Variants in ANXA3 observed in about 807,000 individuals in gnomAD.
ANXA3 encodes annexin A3.
Under a neutral mutation model 48.8 loss-of-function variants are expected in ANXA3, and 46 were observed. The observed-to-expected ratio is 0.94, with a 90% confidence interval of 0.74 to 1.21. ANXA3 has a LOEUF of 1.21. ANXA3 is among the 50% of genes most tolerant of loss of function. The probability of loss-of-function intolerance (pLI) is 0.00; values close to 1 mark genes in which losing one functional copy is unlikely to be tolerated. For synonymous variants in ANXA3, 128 were observed against 134.7 expected (o/e 0.95, Z 0.35); for missense variants, 383 against 378.6 (o/e 1.01, Z -0.10).
intron 10 of ANXA3, 90 bp from the exon 11 acceptor site, chr4:78,601,420 C>G: frequency 8.0e-7 from 1 of 1,251,236 alleles, no homozygotes; most frequent in Non-Finnish European, 1.2e-6. Context: ...TATGACAGTC[C>G]AAAGAATCTT....
At chr4:78,559,220 C>T (rs894726222) in intron 2 of ANXA3, among the ~76,000 whole-genome samples, 1 of 152,084 alleles carries the variant, frequency 6.6e-6, no homozygotes, top group African/African-American at 2.4e-5. Context: ...GGTGGGACCA[C>T]AGGCATGCCC....
chr4:78,601,413 G>A (rs1371820546), intron 10 of ANXA3, 97 bp from the exon 11 acceptor site: 10 of 1,127,686 alleles, frequency 8.9e-6, no homozygotes, highest in Non-Finnish European at 1.1e-5. Flanking sequence ...AGAGTGGTAT[G>A]ACAGTCCAAA....
intron 1 of ANXA3, 94 bp downstream of exon 1, chr4:78,551,953 C>T (rs1722395432): frequency 6.6e-6 from 1 of 152,316 alleles, no homozygotes; most frequent in Non-Finnish European, 1.5e-5. Flanking sequence ...CGCCCAGTTC[C>T]CCCGCGAGTG....
At chr4:78,597,857 A>G (rs1198597010) in intron 10 of ANXA3, among the ~76,000 whole-genome samples, 1 of 152,022 alleles carries the variant, frequency 6.6e-6, no homozygotes, top group African/African-American at 2.4e-5. Context: ...CAAGCAATCC[A>G]TCCACCTCAG....
intron 2 of ANXA3, among the ~76,000 whole-genome samples, chr4:78,556,511 T>TA (rs1158797442): frequency 1.3e-5 from 2 of 152,246 alleles, no homozygotes; most frequent in South Asian, 4.1e-4. Context: ...TTTTTTTTTT[T>TA]AATCATGAGC....
intron 7 of ANXA3, 36 bp from the exon 8 acceptor site, chr4:78,595,345 T>G: frequency 1.9e-6 from 3 of 1,611,204 alleles, no homozygotes; most frequent in Non-Finnish European, 1.7e-6. Flanking sequence ...TCTTCTATCT[T>G]TAAAGGATGG....
chr4:78,556,598 C>T (rs2109923067), intron 2 of ANXA3, among the ~76,000 whole-genome samples: 1 of 152,118 alleles, frequency 6.6e-6, no homozygotes, highest in South Asian at 2.1e-4. Flanking sequence ...ATCCCTTGGC[C>T]TGGCGTATGG....
chr4:78,604,449 A>G (rs1723608331), intron 12 of ANXA3, 50 bp downstream of exon 12: 20 of 1,466,286 alleles, frequency 1.4e-5, no homozygotes, highest in Non-Finnish European at 1.6e-5. Context: ...TTCTCTACCC[A>G]TCTCCTTACT....
chr4:78,599,896 G>A (rs1723500424), intron 10 of ANXA3, among the ~76,000 whole-genome samples: 1 of 152,002 alleles, frequency 6.6e-6, no homozygotes, highest in South Asian at 2.1e-4. Flanking sequence ...CTACACCAGA[G>A]CCTGAGTGAC....
At chr4:78,580,210 G>A (rs571047405) in intron 4 of ANXA3, among the ~76,000 whole-genome samples, 13 of 152,360 alleles carry the variant, frequency 8.5e-5, no homozygotes, top group Middle Eastern at 3.4e-3. Context: ...TGCAGATAGA[G>A]TGATGAAGGA....
chr4:78,593,572 A>T (rs1383419974), intron 7 of ANXA3, among the ~76,000 whole-genome samples: 1 of 151,200 alleles, frequency 6.6e-6, no homozygotes, highest in Non-Finnish European at 1.5e-5. Context: ...AAAATTGAGC[A>T]GAAAGTACAG....
chr4:78,582,246 C>G lies in ANXA3; in HGVS notation c.268C>G (p.Pro90Ala), dbSNP rs200687520. 2 of 1,613,648 alleles carry G rather than the reference C, an allele frequency of 1.2e-6. No individual in the cohort carries two copies. The highest frequency in any genetic ancestry group is 1.7e-6 in the Non-Finnish European group (2 of 1,179,612). ...GCATCTCATGGTGGCCCTAGTGACT[C>G]CACCAGCAGTCTTTGATGCAAAGCA... ...FEHLMVALVT[P>A]PAVFDAKQLK... is the part of the protein sequence containing the mutation. The change falls in exon 5 of 13, where the codon CCA becomes GCA. Residue 90 changes from proline (P) to alanine (A), a missense_variant. Transcript: ENST00000264908.
chr4:78,597,076 A>G (rs1485692555), intron 9 of ANXA3: 3 of 376,382 alleles, frequency 8.0e-6, no homozygotes, highest in African/African-American at 4.4e-5. Context: ...TGCTTGAGAG[A>G]AGGGGAAAGA....
chr4:78,596,020 C>G (rs1723418187), intron 9 of ANXA3, 133 bp downstream of exon 9: 1 of 613,674 alleles, frequency 1.6e-6, no homozygotes. Flanking sequence ...CTTCAGGAAA[C>G]AAAATGGGAA....
intron 9 of ANXA3, among the ~76,000 whole-genome samples, chr4:78,596,133 G>T (rs1723420066): frequency 6.6e-6 from 1 of 152,136 alleles, no homozygotes; most frequent in Non-Finnish European, 1.5e-5. Context: ...GGGGGAGGGA[G>T]GTGGCAGGGA....
chr4:78,572,984 A>G (rs1294022427), intron 2 of ANXA3, 196 bp from the exon 3 acceptor site: 2 of 686,216 alleles, frequency 2.9e-6, no homozygotes, highest in Non-Finnish European at 5.4e-6. Context: ...TAGAAGCAAG[A>G]TGGAGTCAAC....
chr4:78,586,398 C>T, intron 6 of ANXA3, 48 bp downstream of exon 6: 1 of 1,415,440 alleles, frequency 7.1e-7, no homozygotes, highest in Admixed American at 1.8e-5. Context: ...CATATTTGAG[C>T]CAATGTTGCT....
intron 12 of ANXA3, among the ~76,000 whole-genome samples, chr4:78,605,308 A>G (rs1723623733): frequency 6.6e-6 from 1 of 152,114 alleles, no homozygotes; most frequent in Non-Finnish European, 1.5e-5. Context: ...ATAATCTGAT[A>G]GGTGAGGAAT....
At chr4:78,566,120 G>A (rs1187920899) in intron 2 of ANXA3, among the ~76,000 whole-genome samples, 1 of 152,182 alleles carries the variant, frequency 6.6e-6, no homozygotes, top group Non-Finnish European at 1.5e-5. Context: ...TGAGGCACAG[G>A]AGCCAATGGA....
Sources: gnomAD v4.1 joint callset for allele counts (sites outside exome capture counted in the v4.1 genomes callset) on GRCh38, gnomAD v4.1.1 for gene constraint, MANE v1.5 for transcripts, NCBI Gene and HGNC (gene_info 2026-07-23, HGNC 2026-07-21) for gene names.